Variants in SEMA3B observed in about 807,000 individuals in gnomAD.
The protein encoded by SEMA3B is semaphorin 3B, also known as semaphorin-3B.
A neutral mutation model predicts 77.8 loss-of-function variants in SEMA3B; 71 were observed. That is an observed-to-expected ratio of 0.91 (90% CI 0.75 to 1.11). The LOEUF (loss-of-function observed/expected upper bound fraction) is 1.11. SEMA3B is among the 50% of genes most tolerant of loss of function. The pLI, the probability that SEMA3B is intolerant of heterozygous loss-of-function variation, is 0.00. For missense variants in SEMA3B, 968 were observed against 1,056.8 expected (o/e 0.92, Z 1.17); for synonymous variants, 470 against 452.9 (o/e 1.04, Z -0.48).
In SEMA3B at chr3:50,270,904, C is replaced by G; in HGVS notation, c.345C>G (p.Asn115Lys). ...AACCCTACTAGACTGAGTGCATGAA[C>G]TTCGTGAAGTTGCTGCATGCCTACA... ...AGKDIGTECM[N>K]FVKLLHAYNR... The change falls in exon 4 of 17, where the codon AAC (asparagine) becomes AAG (lysine). Residue 115 changes from asparagine (N) to lysine (K), a missense_variant. Asn to Lys is a moderately conservative substitution (Grantham distance 94). Coordinates refer to ENST00000616701, the MANE Select transcript of SEMA3B (RefSeq NM_001290060.2). This position sits in a 1 kb window ranked among gnomAD's most constrained non-coding sequence, Gnocchi z 4.7. The G allele has an allele frequency of 6.2e-7, 1 of 1,607,774 alleles. No homozygotes were observed. Among genetic ancestry groups the G allele is most frequent in the Non-Finnish European group, 8.5e-7 (1 of 1,177,116 alleles).
chr3:50,275,897 A>G lies in SEMA3B; in HGVS notation c.1845+53A>G. ...GGCTCCTGTCCCACCCCCTGCATCCAGGAGAGGCCCCGCCCTACCCAACGA... is the reference window on the plus strand; with the variant it reads ...GGCTCCTGTCCCACCCCCTGCATCCGGGAGAGGCCCCGCCCTACCCAACGA... On this transcript the variant is annotated intron_variant, in intron 16 of 16. Transcript: ENST00000616701. This position sits in a 1 kb window ranked among gnomAD's most constrained non-coding sequence, Gnocchi z 7.5. 2 of 1,513,960 alleles carry G rather than the reference A, an allele frequency of 1.3e-6. No individual in the cohort carries two copies. The highest frequency in any genetic ancestry group is 1.3e-5 in the South Asian group (1 of 79,952). 93.8% of individuals were successfully genotyped at this position (1,513,960 alleles called of 1,614,324 possible).
chr3:50,270,690 C>G lies in SEMA3B; in HGVS notation c.330+195C>G. 3 of 1,155,746 alleles carry G rather than the reference C, an allele frequency of 2.6e-6. No homozygotes were observed. The highest frequency in any genetic ancestry group is 2.4e-6 in the Non-Finnish European group (2 of 830,918). The allele number at this position is 1,155,746 out of a possible 1,614,324, so 71.6% of individuals were successfully genotyped here. A position where few individuals can be genotyped will look rare whatever the true frequency, so the allele number is the denominator to read the frequency against. On this transcript the variant is annotated intron_variant, in intron 3 of 16. Coordinates refer to ENST00000616701, the MANE Select transcript of SEMA3B (RefSeq NM_001290060.2). This position sits in a 1 kb window ranked among gnomAD's most constrained non-coding sequence, Gnocchi z 4.7. ...TGGGGTGCCTCTGAGTCATGGGAGGCTTTGCAGGCCTGTGCTTCCCCAGAC... is the reference window on the plus strand; with the variant it reads ...TGGGGTGCCTCTGAGTCATGGGAGGGTTTGCAGGCCTGTGCTTCCCCAGAC...
upstream of SEMA3B, chr3:50,269,105 T>G: frequency 3.0e-6 from 2 of 663,666 alleles, no homozygotes; most frequent in East Asian, 2.8e-5. The surrounding 1 kb of genome is among the most constrained non-coding windows in gnomAD (Gnocchi z 4.0). Flanking sequence ...ATCTGATCCC[T>G]GGGGACTCCC....
chr3:50,260,722 G>A, the SEMA3B span: 1 of 152,334 alleles, frequency 6.6e-6, no homozygotes, highest in Non-Finnish European at 1.5e-5. Flanking sequence ...GGACCATTGA[G>A]GGCCTGGCAT....
Position 50,270,463 on chromosome 3 carries a change from G to A in SEMA3B, c.298G>A (p.Glu100Lys), listed in dbSNP as rs782670886. ...CTGGCCGGCCCCTGTGGAATGGCGA[G>A]AGGAGTGCAACTGGGCAGGGAAGGA... is the stretch of plus-strand genomic sequence containing the variant. ...LAWPAPVEWR[E>K]ECNWAGKDIG... The change falls in exon 3 of 17, where the codon GAG becomes AAG. Residue 100 changes from glutamate (E) to lysine (K), a missense_variant. Glu to Lys is a moderately conservative substitution (Grantham distance 56). Transcript: ENST00000616701. The surrounding 1 kb of genome is among the most constrained non-coding windows in gnomAD (Gnocchi z 4.7). 1 of 1,613,716 alleles carries A rather than the reference G, an allele frequency of 6.2e-7. No individual in the cohort carries two copies. The highest frequency in any genetic ancestry group is 2.2e-5 in the East Asian group (1 of 44,886).
chr3:50,273,671 T>C lies in SEMA3B; in HGVS notation c.922+25T>C. 6.2e-7 allele frequency: 1 copy of C among 1,605,282 alleles called. No homozygotes were observed. Among genetic ancestry groups the C allele is most frequent in the Non-Finnish European group, 8.5e-7 (1 of 1,178,004 alleles). On this transcript the variant is annotated intron_variant, in intron 8 of 16. Coordinates refer to ENST00000616701, the MANE Select transcript of SEMA3B (RefSeq NM_001290060.2). The surrounding 1 kb of genome is among the most constrained non-coding windows in gnomAD (Gnocchi z 6.5). ...CGTGAGTGCGGGAGTGGGTATGGGGTTGGGGAGGGGGGCAGCGGCGCAGAC... is the reference window on the plus strand; with the variant it reads ...CGTGAGTGCGGGAGTGGGTATGGGGCTGGGGAGGGGGGCAGCGGCGCAGAC...
Position 50,275,900 on chromosome 3 carries a change from A to G in SEMA3B, c.1845+56A>G. 6.6e-7 allele frequency: 1 copy of G among 1,523,608 alleles called. No homozygotes were observed. The highest frequency in any genetic ancestry group is 8.8e-7 in the Non-Finnish European group (1 of 1,142,142). 94.4% of individuals were successfully genotyped at this position (1,523,608 alleles called of 1,614,324 possible). On this transcript the variant is annotated intron_variant, in intron 16 of 16. Coordinates refer to ENST00000616701, the MANE Select transcript of SEMA3B (RefSeq NM_001290060.2). This position sits in a 1 kb window ranked among gnomAD's most constrained non-coding sequence, Gnocchi z 7.5. The stretch of plus-strand genomic sequence containing the variant: ...TCCTGTCCCACCCCCTGCATCCAGG[A>G]GAGGCCCCGCCCTACCCAACGAAGC...
rs1553705353 is a variant in SEMA3B, at chr3:50,271,365, G to A, written c.549G>A (p.Glu183=). The change falls in exon 6 of 17, where the codon GAG becomes GAA. Residue 183 remains glutamate, a synonymous_variant. Coordinates refer to ENST00000616701, the MANE Select transcript of SEMA3B (RefSeq NM_001290060.2). ...TGGCCCTTGCTCTGTCTGCAGGGGAGGAGCTATACTCAGGGGTGGCAGCAG... is the reference window on the plus strand; with the variant it reads ...TGGCCCTTGCTCTGTCTGCAGGGGAAGAGCTATACTCAGGGGTGGCAGCAG... ...RHRAASVLVG[E]ELYSGVAADL... 1.9e-6 allele frequency: 3 copies of A among 1,576,132 alleles called. No homozygotes were observed. The highest frequency in any genetic ancestry group is 2.6e-6 in the Non-Finnish European group (3 of 1,161,028).
In SEMA3B at chr3:50,269,607, G is replaced by A. The variant is rs1465365777; in HGVS notation, c.109+258G>A. 6.6e-5 allele frequency among the ~76,000 whole-genome samples: 10 copies of A among 152,104 alleles called. No individual in the cohort carries two copies. The highest frequency in any genetic ancestry group is 9.7e-5 in the African/African-American group (4 of 41,406). On this transcript the variant is annotated intron_variant, in intron 1 of 16. Transcript: ENST00000616701. The surrounding 1 kb of genome is among the most constrained non-coding windows in gnomAD (Gnocchi z 4.0). ...CAGCAACAGACCTTGTCTCTGTTCC[G>A]TTCAGTACCCCCAACAAGGCGATAC...
rs782605101 is a variant in SEMA3B, at chr3:50,275,838, C to T, written c.1839C>T (p.His613=). 1.7e-5 allele frequency: 27 copies of T among 1,600,236 alleles called. No homozygotes were observed. The highest frequency in any genetic ancestry group is 4.0e-5 in the African/African-American group (3 of 74,814). Residue 613 remains histidine (H), a synonymous_variant, in exon 16 of 17, where the codon CAC becomes CAT. Coordinates refer to ENST00000616701, the MANE Select transcript of SEMA3B (RefSeq NM_001290060.2). The surrounding 1 kb of genome is among the most constrained non-coding windows in gnomAD (Gnocchi z 7.5). ...TCCAGCGCGCAGGGGTGACAGCCCACACCCAGGTGAGCCTTACTCCGCCCT... is the reference window on the plus strand; with the variant it reads ...TCCAGCGCGCAGGGGTGACAGCCCATACCCAGGTGAGCCTTACTCCGCCCT... ...WTFQRAGVTA[H]TQVLAEERTE... is the part of the protein sequence containing the mutation.
chr3:50,273,205 GTGC>G lies in SEMA3B; in HGVS notation c.665-92_665-90del. On this transcript the variant is annotated intron_variant, in intron 6 of 16. Coordinates refer to ENST00000616701, the MANE Select transcript of SEMA3B (RefSeq NM_001290060.2). This position sits in a 1 kb window ranked among gnomAD's most constrained non-coding sequence, Gnocchi z 6.5. ...GTCAGACACTGTGATCCCGGGTGCT[GTGC>G]CCGCACTACGGGAAGGGGAAGCAGC... is the stretch of plus-strand genomic sequence containing the variant. The G allele has an allele frequency of 6.7e-7, 1 of 1,499,402 alleles. No individual in the cohort carries two copies. Among genetic ancestry groups the G allele is most frequent in the Non-Finnish European group, 9.0e-7 (1 of 1,117,086 alleles). 92.9% of individuals were successfully genotyped at this position (1,499,402 alleles called of 1,614,324 possible). A position where few individuals can be genotyped will look rare whatever the true frequency, so the allele number is the denominator to read the frequency against.
In SEMA3B at chr3:50,275,032, C is replaced by T; in HGVS notation, c.1470C>T (p.Ser490=). ...CTCAGGACTCGGCCGCTGTCACCAGCATGCAAATTTCTTCCAAGAGGGTGA... is the reference window on the plus strand; with the variant it reads ...CTCAGGACTCGGCCGCTGTCACCAGTATGCAAATTTCTTCCAAGAGGGTGA... The part of the protein sequence containing the change: ...HVFEDSAAVT[S]MQISSKRHQL... Residue 490 remains serine (S), a synonymous_variant, in exon 13 of 17, where the codon AGC becomes AGT. Coordinates refer to ENST00000616701, the MANE Select transcript of SEMA3B (RefSeq NM_001290060.2). This position sits in a 1 kb window ranked among gnomAD's most constrained non-coding sequence, Gnocchi z 7.5. 2 of 1,591,160 alleles carry T rather than the reference C, an allele frequency of 1.3e-6. No homozygotes were observed. Among genetic ancestry groups the T allele is most frequent in the Non-Finnish European group, 1.7e-6 (2 of 1,165,028 alleles).
chr3:50,264,340 C>G (rs1700867658), upstream of SEMA3B, among the ~76,000 whole-genome samples: 1 of 152,184 alleles, frequency 6.6e-6, no homozygotes, highest in Non-Finnish European at 1.5e-5. Flanking sequence ...TTCTCTGAGG[C>G]CCTCATAGGC....
rs1701240393 is a variant in SEMA3B, at chr3:50,276,262, C to T, written c.1846-40C>T. 14 of 1,442,540 alleles carry T rather than the reference C, an allele frequency of 9.7e-6. No homozygotes were observed. Among genetic ancestry groups the T allele is most frequent in the South Asian group, 1.4e-5 (1 of 70,406 alleles). 89.4% of individuals were successfully genotyped at this position (1,442,540 alleles called of 1,614,324 possible). ...TGCTAGGGCCCGGAAGCCCTGTTCC[C>T]GGCCCGACACCCCCGCCTCACGCTG... is the stretch of plus-strand genomic sequence containing the variant. On this transcript the variant is annotated intron_variant, in intron 16 of 16. Transcript: ENST00000616701. This position sits in a 1 kb window ranked among gnomAD's most constrained non-coding sequence, Gnocchi z 5.8.
chr3:50,269,168 G>A lies in SEMA3B; in HGVS notation c.-73G>A, dbSNP rs1348063944. On this transcript the variant is annotated 5_prime_UTR_variant, in exon 1 of 17. Coordinates refer to ENST00000616701, the MANE Select transcript of SEMA3B (RefSeq NM_001290060.2). The surrounding 1 kb of genome is among the most constrained non-coding windows in gnomAD (Gnocchi z 4.0). ...TGCTGACTCCTCTTCCAGATCCTGG[G>A]GCAGAGTCCAGGGCAGCTCAAGGCT... 11 of 1,132,594 alleles carry A rather than the reference G, an allele frequency of 9.7e-6. No homozygotes were observed. Among genetic ancestry groups the A allele is most frequent in the Non-Finnish European group, 1.4e-5 (11 of 780,658 alleles). 70.2% of individuals were successfully genotyped at this position (1,132,594 alleles called of 1,614,324 possible).
upstream of SEMA3B, chr3:50,266,650 C>T (rs1700903987): frequency 1.3e-5 from 2 of 152,212 alleles, no homozygotes; most frequent in South Asian, 4.1e-4. Context: ...ATTCTCAAGC[C>T]CTGGTATATT....
rs1215043070 is a variant in SEMA3B at position 50,277,344 on chromosome 3, A to C, written c.*638A>C. ...CAGGCGGACGGATCACGAGGTCAGG[A>C]GATGGAAACCATCCCGGCTAACACG... On this transcript the variant is annotated 3_prime_UTR_variant, in exon 17 of 17. Coordinates refer to ENST00000616701, the MANE Select transcript of SEMA3B (RefSeq NM_001290060.2). 6.6e-6 allele frequency: 1 copy of C among 151,874 alleles called. No homozygotes were observed. The highest frequency in any genetic ancestry group is 1.5e-5 in the Non-Finnish European group (1 of 68,030). 9.4% of individuals were successfully genotyped at this position (151,874 alleles called of 1,614,324 possible).
At position 50,275,705 on chromosome 3, in the gene SEMA3B, A is replaced by T; in HGVS notation, c.1706A>T (p.Asp569Val). 6.2e-7 allele frequency: 1 copy of T among 1,611,538 alleles called. No individual in the cohort carries two copies. The highest frequency in any genetic ancestry group is 8.5e-7 in the Non-Finnish European group (1 of 1,178,614). ...AATCTGACTTTCTTCTCGCCCCAAG[A>T]CTCGTCTCGTCCCGCGCTGCTGGAA... ...NGDPSTLCSGDSSRPALLEHK... is the reference protein window; with the variant it reads ...NGDPSTLCSGVSSRPALLEHK... The change falls in exon 16 of 17, where the codon GAC becomes GTC. Residue 569 changes from aspartate (D) to valine (V), a missense_variant and splice_region_variant. Physicochemically the swap from Asp to Val is radical, Grantham distance 152 (BLOSUM62 -3). Coordinates refer to ENST00000616701, the MANE Select transcript of SEMA3B (RefSeq NM_001290060.2). This position sits in a 1 kb window ranked among gnomAD's most constrained non-coding sequence, Gnocchi z 7.5.
rs369025090 is a variant in SEMA3B at position 50,273,522 on chromosome 3, A to C, written c.811-13A>C. ...CCTGGTCTCGCCCTCATCCCCTTTG[A>C]TCGTCCCGGCAGAACGACGTGGGCG... On this transcript the variant is annotated splice_polypyrimidine_tract_variant and intron_variant, in intron 7 of 16. Coordinates refer to ENST00000616701, the MANE Select transcript of SEMA3B (RefSeq NM_001290060.2). This position sits in a 1 kb window ranked among gnomAD's most constrained non-coding sequence, Gnocchi z 6.5. 2.5e-4 allele frequency: 402 copies of C among 1,611,518 alleles called. 1 individual carries two copies. The highest frequency in any genetic ancestry group is 1.5e-3 in the East Asian group (69 of 44,786).
Sources: gnomAD v4.1 joint callset for allele counts (sites outside exome capture counted in the v4.1 genomes callset) on GRCh38, gnomAD v4.1.1 for gene constraint, Gnocchi (gnomAD v3.1) non-coding constraint, MANE v1.5 for transcripts, NCBI Gene and HGNC (gene_info 2026-07-23, HGNC 2026-07-21) for gene names.